PDE10A: variants seen among roughly 807,000 people sequenced by gnomAD.
PDE10A encodes phosphodiesterase 10A, also known as cAMP and cAMP-inhibited cGMP 3',5'-cyclic phosphodiesterase 10A.
In PDE10A, 39 loss-of-function variants were observed where a neutral mutation model predicts 97.7. That is an observed-to-expected ratio of 0.40 (90% confidence interval 0.31 to 0.52). PDE10A has a LOEUF of 0.52. Among genes scored for constraint, PDE10A ranks in the 20% least tolerant of loss-of-function variants. The pLI is 0.56. For synonymous variants in PDE10A, 371 were observed against 376.8 expected (o/e 0.98, Z 0.18); for missense variants, 731 against 1,047.8 (o/e 0.70, Z 4.17).
At chr6:165,854,800 G>T (rs1367325979) in intron 1 of PDE10A, among the ~76,000 whole-genome samples, 1 of 152,140 alleles carries the variant, frequency 6.6e-6, no homozygotes, top group Non-Finnish European at 1.5e-5. Context: ...CGCAGGGCGC[G>T]CCAGGCAGGG....
At chr6:165,678,206 TGTCTGTGTGTGTA>T (rs1562679739) in intron 1 of PDE10A, among the ~76,000 whole-genome samples, 3 of 150,496 alleles carry the variant, frequency 2.0e-5, no homozygotes, top group Admixed American at 6.6e-5. Flanking sequence ...TGTATATGTG[TGTCTGTGTGTGTA>T]TATGTGTGTG....
chr6:165,532,029 T>A (rs922019440), intron 2 of PDE10A, among the ~76,000 whole-genome samples: 4 of 152,156 alleles, frequency 2.6e-5, no homozygotes, highest in Non-Finnish European at 5.9e-5. Context: ...AAAACTTTTT[T>A]AAAAAAAGGA....
intron 6 of PDE10A, among the ~76,000 whole-genome samples, chr6:165,434,249 C>T (rs1369957408): frequency 1.3e-5 from 2 of 152,012 alleles, no homozygotes; most frequent in Admixed American, 6.6e-5. Context: ...CTCCTTCTCT[C>T]CTTCCCTCCC....
intron 1 of PDE10A, among the ~76,000 whole-genome samples, chr6:165,628,323 G>T (rs897314047): frequency 6.6e-6 from 1 of 151,794 alleles, no homozygotes; most frequent in Non-Finnish European, 1.5e-5. Context: ...AAAATAGAGC[G>T]AGCATGCACT....
chr6:165,362,589 A>C (rs1416561306), intron 18 of PDE10A, among the ~76,000 whole-genome samples: 3 of 152,202 alleles, frequency 2.0e-5, no homozygotes, highest in Non-Finnish European at 2.9e-5. Context: ...TAACAACCAC[A>C]AAGAAACATC....
Position 165,517,967 on chromosome 6 carries a change from C to T in PDE10A, c.994+25473G>A, listed in dbSNP as rs148892349. On this transcript the variant is annotated intron_variant, in intron 2 of 21. Coordinates refer to ENST00000539869, the MANE Select transcript of PDE10A (RefSeq NM_001385079.1). ...ATTCCTATGAAGTTGGTTTTATTCC[C>T]ATTTTAGGTATGAGAAGCAAACTCA... Among the ~76,000 whole-genome samples, 29 of 152,246 alleles carry T rather than the reference C, an allele frequency of 1.9e-4. No individual in the cohort carries two copies. In the East Asian group the frequency reaches 5.6e-3, roughly 29 times the overall value.
chr6:165,920,379 T>G (rs1385314724), intron 1 of PDE10A, among the ~76,000 whole-genome samples: 3 of 152,200 alleles, frequency 2.0e-5, no homozygotes, highest in African/African-American at 7.2e-5. Flanking sequence ...TTTCAAAAAT[T>G]TAAACCAATC....
At chr6:165,669,838 A>G (rs1790597975) in intron 1 of PDE10A, among the ~76,000 whole-genome samples, 1 of 152,262 alleles carries the variant, frequency 6.6e-6, no homozygotes, top group East Asian at 1.9e-4. Flanking sequence ...TCATCTGCTG[A>G]GCCCAGAGAA....
At chr6:165,438,434 C>T (rs1482534000) in intron 5 of PDE10A, among the ~76,000 whole-genome samples, 4 of 152,138 alleles carry the variant, frequency 2.6e-5, no homozygotes, top group Non-Finnish European at 5.9e-5. Context: ...GTGATCCACC[C>T]GCCTCAGCCT....
chr6:165,876,214 A>G (rs1225516735), intron 1 of PDE10A, among the ~76,000 whole-genome samples: 1 of 152,246 alleles, frequency 6.6e-6, no homozygotes, highest in African/African-American at 2.4e-5. Context: ...AGAAGGGGGT[A>G]TACTTATCAA....
chr6:165,552,047 T>C (rs971122604), intron 1 of PDE10A, among the ~76,000 whole-genome samples: 2 of 152,130 alleles, frequency 1.3e-5, no homozygotes, highest in East Asian at 1.9e-4. Flanking sequence ...CAGTGAGACA[T>C]TTAGCCAATT....
intron 1 of PDE10A, among the ~76,000 whole-genome samples, chr6:165,760,376 G>A (rs903398970): frequency 3.9e-5 from 6 of 152,104 alleles, no homozygotes; most frequent in Non-Finnish European, 7.3e-5. Flanking sequence ...CTCACACAGT[G>A]GAGGCCACTT....
At chr6:165,373,544 C>T (rs893578324) in intron 18 of PDE10A, among the ~76,000 whole-genome samples, 9 of 152,152 alleles carry the variant, frequency 5.9e-5, no homozygotes, top group African/African-American at 1.7e-4. Flanking sequence ...CCATCTCACA[C>T]CAGTTAGAAT....
At chr6:165,495,764 A>G (rs1202156228) in intron 2 of PDE10A, among the ~76,000 whole-genome samples, 2 of 152,106 alleles carry the variant, frequency 1.3e-5, no homozygotes, top group African/African-American at 2.4e-5. Context: ...AGACTCTCAA[A>G]TATGTTTTGC....
Position 165,332,894 on chromosome 6 carries a change from C to A in PDE10A, c.*131G>T. The A allele has an allele frequency of 1.5e-6, 1 of 666,330 alleles. No homozygotes were observed. Among genetic ancestry groups the A allele is most frequent in the Non-Finnish European group, 2.7e-6 (1 of 369,578 alleles). The allele number at this position is 666,330 out of a possible 1,614,324, so 41.3% of individuals were successfully genotyped here. ...TGCTTGACTTATTTATTTGATGTTACCTTCTTGAAGAGGTTTGCACCCCAG... is the reference window on the plus strand; with the variant it reads ...TGCTTGACTTATTTATTTGATGTTAACTTCTTGAAGAGGTTTGCACCCCAG... On this transcript the variant is annotated 3_prime_UTR_variant, in exon 22 of 22. Coordinates refer to ENST00000539869, the MANE Select transcript of PDE10A (RefSeq NM_001385079.1).
chr6:165,843,564 A>G (rs535675800), intron 1 of PDE10A, among the ~76,000 whole-genome samples: 1 of 152,290 alleles, frequency 6.6e-6, no homozygotes, highest in South Asian at 2.1e-4. Flanking sequence ...CCTCAATGGT[A>G]GAAGGGACGG....
At chr6:165,438,243 C>T (rs896245395) in intron 5 of PDE10A, among the ~76,000 whole-genome samples, 1 of 152,054 alleles carries the variant, frequency 6.6e-6, no homozygotes, top group African/African-American at 2.4e-5. Flanking sequence ...GGCTGGAGTG[C>T]AATGGTGCAA....
chr6:165,572,406 A>G lies in PDE10A; in HGVS notation c.866-28838T>C, dbSNP rs548494136. Among the ~76,000 whole-genome samples, 393 of 152,342 alleles carry G rather than the reference A, an allele frequency of 2.6e-3. 1 individual carries two copies. The highest frequency in any genetic ancestry group is 4.2e-3 in the Non-Finnish European group (287 of 68,036). ...AGTTGCTTTAAAAAACTCAGAAAATATCAGCTCTTATTACCACCTAAGTAT... is the reference window on the plus strand; with the variant it reads ...AGTTGCTTTAAAAAACTCAGAAAATGTCAGCTCTTATTACCACCTAAGTAT... On this transcript the variant is annotated intron_variant, in intron 1 of 21. Transcript: ENST00000539869.
chr6:165,598,432 T>C (rs1158737073), intron 1 of PDE10A, among the ~76,000 whole-genome samples: 1 of 152,166 alleles, frequency 6.6e-6, no homozygotes, highest in Non-Finnish European at 1.5e-5. Flanking sequence ...GTCTTTAAAA[T>C]TTTCCAAACT....
Sources: gnomAD v4.1 joint callset for allele counts (sites outside exome capture counted in the v4.1 genomes callset) on GRCh38, gnomAD v4.1.1 for gene constraint, MANE v1.5 for transcripts, NCBI Gene and HGNC (gene_info 2026-07-23, HGNC 2026-07-21) for gene names.